Variants in SGPP2 observed in about 807,000 individuals in gnomAD.
SGPP2 encodes sphingosine 1-phosphate phosphohydrolase 2.
SGPP2 carries 30 observed loss-of-function variants against 33.9 expected under a neutral mutation model. The ratio of observed to expected loss-of-function variants is 0.89; its 90% CI spans 0.66 to 1.20. The LOEUF (loss-of-function observed/expected upper bound fraction) is 1.20. SGPP2 is among the 50% of genes most tolerant of loss of function. The pLI is 0.00. For synonymous variants in SGPP2, 233 were observed against 225.0 expected, an observed-to-expected ratio of 1.04 and a Z score of -0.32; for missense variants, 458 against 532.1, an observed-to-expected ratio of 0.86 and a Z score of 1.37.
At chr2:222,533,083 T>A (rs1041013844) in intron 4 of SGPP2, among the ~76,000 whole-genome samples, 2 of 152,210 alleles carry the variant, frequency 1.3e-5, no homozygotes, top group Non-Finnish European at 2.9e-5. Flanking sequence ...TCATGTTCTC[T>A]TAGTTTGAAG....
At chr2:222,481,543 G>A (rs982271700) in intron 2 of SGPP2, among the ~76,000 whole-genome samples, 1 of 152,170 alleles carries the variant, frequency 6.6e-6, no homozygotes, top group African/African-American at 2.4e-5. Context: ...ATCATCAATA[G>A]TGACCTAGGA....
chr2:222,473,713 T>C (rs1697884412), intron 1 of SGPP2, among the ~76,000 whole-genome samples: 1 of 151,824 alleles, frequency 6.6e-6, no homozygotes, highest in African/African-American at 2.4e-5. Flanking sequence ...TCACCTGAGG[T>C]TGGGAGTTTG....
At chr2:222,468,768 G>A (rs1697793647) in intron 1 of SGPP2, among the ~76,000 whole-genome samples, 1 of 152,202 alleles carries the variant, frequency 6.6e-6, no homozygotes, top group Non-Finnish European at 1.5e-5. Context: ...CCACCATGCA[G>A]TCAATCTGCA....
intron 2 of SGPP2, 74 bp downstream of exon 2, chr2:222,474,800 C>A: frequency 1.7e-6 from 2 of 1,148,642 alleles, no homozygotes; most frequent in African/African-American, 1.8e-5. Flanking sequence ...AAGTACTTTG[C>A]AAATATGTTC....
chr2:222,432,565 C>T (rs778870517), intron 1 of SGPP2, among the ~76,000 whole-genome samples: 6 of 152,152 alleles, frequency 3.9e-5, no homozygotes, highest in Non-Finnish European at 8.8e-5. Flanking sequence ...CAGACTCAAT[C>T]GAATTGCTCC....
intron 1 of SGPP2, among the ~76,000 whole-genome samples, chr2:222,430,621 C>T (rs896603267): frequency 2.0e-5 from 3 of 152,042 alleles, no homozygotes; most frequent in African/African-American, 7.3e-5. Flanking sequence ...AGCCAGCCTC[C>T]CTATTTCTTA....
intron 4 of SGPP2, among the ~76,000 whole-genome samples, chr2:222,538,868 C>A (rs770533634): frequency 8.5e-5 from 13 of 152,120 alleles, no homozygotes; most frequent in Non-Finnish European, 1.9e-4. Flanking sequence ...GAAGGATCCG[C>A]CCCCATGATC....
chr2:222,509,542 G>A (rs1698494208), intron 2 of SGPP2, among the ~76,000 whole-genome samples: 1 of 152,148 alleles, frequency 6.6e-6, no homozygotes, highest in Non-Finnish European at 1.5e-5. Context: ...CAGCTCTCTG[G>A]TATGTACTCA....
chr2:222,540,284 A>G (rs957922790), intron 4 of SGPP2, among the ~76,000 whole-genome samples: 5 of 152,214 alleles, frequency 3.3e-5, no homozygotes, highest in Non-Finnish European at 5.9e-5. Context: ...TTTATGCAGT[A>G]TTTTTAATCA....
intron 4 of SGPP2, among the ~76,000 whole-genome samples, chr2:222,545,415 G>A (rs774243541): frequency 1.3e-5 from 2 of 151,898 alleles, no homozygotes; most frequent in African/African-American, 4.8e-5. Context: ...CTGAGTAGCT[G>A]GGATTACAGA....
Position 222,431,910 on chromosome 2 carries a change from C to G in SGPP2, c.219+7089C>G, listed in dbSNP as rs1036858870. ...GAAGCAGTCCATCAAGGTCAGCCTC[C>G]CTGGAGAAAGGCAGAGAGTGGACTG... On this transcript the variant is annotated intron_variant, in intron 1 of 4. Coordinates refer to ENST00000321276, the MANE Select transcript of SGPP2 (RefSeq NM_152386.4). Among the ~76,000 whole-genome samples, 5 of 152,262 alleles carry G rather than the reference C, an allele frequency of 3.3e-5. No individual in the cohort carries two copies. In the Middle Eastern group the frequency reaches 0.01, roughly 311 times the overall value.
At chr2:222,499,838 C>T (rs1698339800) in intron 2 of SGPP2, among the ~76,000 whole-genome samples, 1 of 152,090 alleles carries the variant, frequency 6.6e-6, no homozygotes, top group African/African-American at 2.4e-5. Flanking sequence ...CATGTTTACC[C>T]TAAATAAGGC....
At chr2:222,429,110 G>C (rs372140328) in intron 1 of SGPP2, among the ~76,000 whole-genome samples, 1 of 152,178 alleles carries the variant, frequency 6.6e-6, no homozygotes, top group South Asian at 2.1e-4. Flanking sequence ...TGGGATTACC[G>C]CACCCGGCCA....
intron 2 of SGPP2, among the ~76,000 whole-genome samples, chr2:222,490,321 A>G (rs1698177262): frequency 2.0e-5 from 3 of 152,198 alleles, no homozygotes; most frequent in African/African-American, 7.2e-5. Context: ...GCTAAGGGGA[A>G]CAGGCACTCA....
At chr2:222,511,617 G>A (rs889315533) in intron 2 of SGPP2, among the ~76,000 whole-genome samples, 1 of 152,216 alleles carries the variant, frequency 6.6e-6, no homozygotes, top group Non-Finnish European at 1.5e-5. Context: ...CTTAGGGCAA[G>A]CCACACGTTG....
chr2:222,544,101 A>C (rs1381329777), intron 4 of SGPP2, among the ~76,000 whole-genome samples: 2 of 152,214 alleles, frequency 1.3e-5, no homozygotes, highest in East Asian at 3.8e-4. Context: ...TACATATATT[A>C]ACTACCTCAT....
chr2:222,524,065 G>A (rs1396915248), intron 3 of SGPP2, among the ~76,000 whole-genome samples: 1 of 152,178 alleles, frequency 6.6e-6, no homozygotes, highest in South Asian at 2.1e-4. Context: ...AGCTCCTGTT[G>A]TGAGGGTCAA....
rs57147581 is a variant in SGPP2 at position 222,477,698 on chromosome 2, G to T, written c.378+2972G>T. ...GAATATCTTATAATGTGTTTGATCT[G>T]CTCATGGCCAATTATCTCCCCCACT... On this transcript the variant is annotated intron_variant, in intron 2 of 4. Coordinates refer to ENST00000321276, the MANE Select transcript of SGPP2 (RefSeq NM_152386.4). The surrounding 1 kb of genome is among the most constrained non-coding windows in gnomAD (Gnocchi z 6.0). 6.6e-6 allele frequency among the ~76,000 whole-genome samples: 1 copy of T among 152,062 alleles called. No individual in the cohort carries two copies. The highest frequency in any genetic ancestry group is 2.4e-5 in the African/African-American group (1 of 41,450).
intron 1 of SGPP2, among the ~76,000 whole-genome samples, chr2:222,453,842 C>T (rs1007098139): frequency 6.6e-6 from 1 of 152,128 alleles, no homozygotes; most frequent in Non-Finnish European, 1.5e-5. Context: ...GGTCAGCACC[C>T]CTAACCCGTG....
Sources: gnomAD v4.1 joint callset for allele counts (sites outside exome capture counted in the v4.1 genomes callset) on GRCh38, gnomAD v4.1.1 for gene constraint, Gnocchi (gnomAD v3.1) non-coding constraint, MANE v1.5 for transcripts, NCBI Gene and HGNC (gene_info 2026-07-23, HGNC 2026-07-21) for gene names.